Variants in CHCHD3 observed in about 807,000 individuals in gnomAD.
CHCHD3 encodes the protein MICOS complex subunit MIC19.
A neutral mutation model predicts 38.2 loss-of-function variants in CHCHD3; 20 were observed. That is an observed-to-expected ratio of 0.52 (90% CI 0.37 to 0.76). The LOEUF (loss-of-function observed/expected upper bound fraction) is 0.76, where lower values mean the gene tolerates loss of function less well. Ranked by LOEUF, CHCHD3 falls within the 30% of genes least tolerant of loss-of-function variation. The pLI, the probability that CHCHD3 is intolerant of heterozygous loss-of-function variation, is 0.00. For missense variants in CHCHD3, 245 were observed against 279.2 expected, an observed-to-expected ratio of 0.88 and a Z score of 0.87; for synonymous variants, 82 against 100.0, an observed-to-expected ratio of 0.82 and a Z score of 1.07.
At chr7:133,049,980 G>A (rs996866403) in intron 2 of CHCHD3, among the ~76,000 whole-genome samples, 1 of 152,116 alleles carries the variant, frequency 6.6e-6, no homozygotes, top group Non-Finnish European at 1.5e-5. Flanking sequence ...CTGTCACTGT[G>A]GGCCAGGTGG....
At chr7:132,793,613 T>G (rs2117024971) in intron 7 of CHCHD3, among the ~76,000 whole-genome samples, 1 of 152,288 alleles carries the variant, frequency 6.6e-6, no homozygotes, top group Middle Eastern at 3.4e-3. Flanking sequence ...TCCGGAAATT[T>G]TCCTAACAGT....
intron 2 of CHCHD3, among the ~76,000 whole-genome samples, chr7:133,049,865 CA>C (rs1814099225): frequency 6.6e-6 from 1 of 152,220 alleles, no homozygotes; most frequent in South Asian, 2.1e-4. Context: ...AACCTCTGAA[CA>C]ATGACTCCTT....
intron 4 of CHCHD3, among the ~76,000 whole-genome samples, chr7:132,938,916 GC>G (rs1810696395): frequency 1.3e-5 from 2 of 152,182 alleles, no homozygotes; most frequent in Admixed American, 6.6e-5. Flanking sequence ...CTTGGTAGCA[GC>G]AGGTAGTCTA....
chr7:132,793,353 T>C (rs878904441), intron 7 of CHCHD3, among the ~76,000 whole-genome samples: 2 of 152,240 alleles, frequency 1.3e-5, no homozygotes, highest in Admixed American at 1.3e-4. Flanking sequence ...TATCAATCGA[T>C]GTGCTCCTTC....
chr7:132,893,483 A>C (rs914490709), intron 4 of CHCHD3, among the ~76,000 whole-genome samples: 18 of 152,168 alleles, frequency 1.2e-4, no homozygotes, highest in African/African-American at 4.3e-4. Context: ...CTTTTGGGTT[A>C]ATGCTTGAAT....
chr7:132,817,797 C>T (rs1240280562), intron 6 of CHCHD3, among the ~76,000 whole-genome samples: 1 of 151,612 alleles, frequency 6.6e-6, no homozygotes, highest in Non-Finnish European at 1.5e-5. Flanking sequence ...ATCACTTGAC[C>T]CAGGAGGTCC....
chr7:132,990,654 T>C (rs564424981), intron 3 of CHCHD3, among the ~76,000 whole-genome samples: 104 of 152,258 alleles, frequency 6.8e-4, no homozygotes, highest in African/African-American at 2.4e-3. Context: ...ATCATTTACA[T>C]TGTTTTGCAC....
At chr7:132,835,061 C>G (rs1490779701) in intron 6 of CHCHD3, among the ~76,000 whole-genome samples, 1 of 151,702 alleles carries the variant, frequency 6.6e-6, no homozygotes, top group African/African-American at 2.4e-5. Flanking sequence ...ACCTTTGCCT[C>G]CTAGGCTCAG....
chr7:133,019,028 C>T (rs997300154), intron 3 of CHCHD3, among the ~76,000 whole-genome samples: 2 of 151,890 alleles, frequency 1.3e-5, no homozygotes, highest in African/African-American at 4.8e-5. Flanking sequence ...GGATTACAGG[C>T]TTGTGCCACC....
At chr7:132,928,417 C>A (rs7811109) in intron 4 of CHCHD3, among the ~76,000 whole-genome samples, 53,258 of 152,072 alleles carry the variant, frequency 0.35, 10,197 homozygotes, top group Non-Finnish European at 0.43. Flanking sequence ...ATAAATGGGG[C>A]CAGGTGTGGT....
intron 2 of CHCHD3, among the ~76,000 whole-genome samples, chr7:133,059,194 C>G (rs1814426447): frequency 6.6e-6 from 1 of 152,180 alleles, no homozygotes; most frequent in African/African-American, 2.4e-5. Flanking sequence ...AAAAGCCACA[C>G]AGGAGAAGAT....
At chr7:133,081,278 G>A (rs1815163306) in intron 1 of CHCHD3, among the ~76,000 whole-genome samples, 1 of 151,254 alleles carries the variant, frequency 6.6e-6, no homozygotes, top group Admixed American at 6.6e-5. Context: ...GGAAAGAGGA[G>A]ATATCAAGTG....
At chr7:132,951,464 T>C (rs1811034491) in intron 4 of CHCHD3, among the ~76,000 whole-genome samples, 1 of 152,198 alleles carries the variant, frequency 6.6e-6, no homozygotes, top group Admixed American at 6.5e-5. Flanking sequence ...ATCCAGCCAC[T>C]GTGGGAAACA....
intron 6 of CHCHD3, among the ~76,000 whole-genome samples, chr7:132,817,005 G>A (rs967625190): frequency 6.6e-6 from 1 of 152,166 alleles, no homozygotes; most frequent in African/African-American, 2.4e-5. Flanking sequence ...GTGGCTGCCT[G>A]AAAAACAGAC....
chr7:132,890,023 A>G (rs1327479078), intron 4 of CHCHD3, among the ~76,000 whole-genome samples: 1 of 152,238 alleles, frequency 6.6e-6, no homozygotes, highest in Non-Finnish European at 1.5e-5. Context: ...CTATTCCTAG[A>G]AGAAATATGT....
intron 6 of CHCHD3, among the ~76,000 whole-genome samples, chr7:132,809,125 ATT>A (rs35514520): frequency 2.4e-4 from 31 of 131,444 alleles, no homozygotes; most frequent in African/African-American, 2.5e-4. Context: ...AATTTTTGTG[ATT>A]TTTTTTTTTT....
At chr7:132,819,099 C>T (rs1387452284) in intron 6 of CHCHD3, among the ~76,000 whole-genome samples, 1 of 152,156 alleles carries the variant, frequency 6.6e-6, no homozygotes, top group Non-Finnish European at 1.5e-5. Flanking sequence ...GTATATATGC[C>T]AGGTGCTTGG....
chr7:133,006,480 TAAATAAATAAATAAAA>T (rs1002878399), intron 3 of CHCHD3, among the ~76,000 whole-genome samples: 3 of 123,248 alleles, frequency 2.4e-5, no homozygotes, highest in East Asian at 2.7e-4. Flanking sequence ...AATAAATAAA[TAAATAAATAAATAAAA>T]AAATAAATAA....
chr7:132,893,455 TG>T (rs1296309524), intron 4 of CHCHD3, among the ~76,000 whole-genome samples: 2 of 152,200 alleles, frequency 1.3e-5, no homozygotes, highest in African/African-American at 4.8e-5. Context: ...TTGTCTCAAA[TG>T]AGACTTTGGA....
Sources: gnomAD v4.1 joint callset for allele counts (sites outside exome capture counted in the v4.1 genomes callset) on GRCh38, gnomAD v4.1.1 for gene constraint, MANE v1.5 for transcripts, NCBI Gene and HGNC (gene_info 2026-07-23, HGNC 2026-07-21) for gene names.